Variants in KIF6 observed in about 807,000 individuals in gnomAD.
KIF6 encodes the protein kinesin family member 6.
In KIF6, 106 loss-of-function variants were observed where a neutral mutation model predicts 112.7. That is an observed-to-expected ratio of 0.94 (90% CI 0.80 to 1.11). The LOEUF (loss-of-function observed/expected upper bound fraction) is 1.11, where lower values mean the gene tolerates loss of function less well. KIF6 is among the 50% of genes least tolerant of loss of function. KIF6 has a pLI of 0.00. For synonymous variants in KIF6, 339 were observed against 339.9 expected, an observed-to-expected ratio of 1.00 and a Z score of 0.03; for missense variants, 929 against 964.0, an observed-to-expected ratio of 0.96 and a Z score of 0.48.
chr6:39,583,503 A>G lies in KIF6; in HGVS notation c.1077+1395T>C, dbSNP rs376480044. On this transcript the variant is annotated intron_variant, in intron 9 of 22. Coordinates refer to ENST00000287152, the MANE Select transcript of KIF6 (RefSeq NM_145027.6). ...TTCTGAGGCAAGAAGAACATAACAG[A>G]CAGCCCCATTATTCCTTTGTCCTCC... 8.7e-5 allele frequency: 41 copies of G among 471,346 alleles called. No homozygotes were observed. In the East Asian group the frequency reaches 2.6e-3, roughly 30 times the overall value. The allele number at this position is 471,346 out of a possible 1,614,324, so 29.2% of individuals were successfully genotyped here. A position where few individuals can be genotyped will look rare whatever the true frequency, so the allele number is the denominator to read the frequency against.
intron 13 of KIF6, among the ~76,000 whole-genome samples, chr6:39,496,604 G>A (rs1047911430): frequency 3.3e-5 from 5 of 152,092 alleles, no homozygotes; most frequent in African/African-American, 9.7e-5. Flanking sequence ...TGAGATGGTC[G>A]TAGGGTAAGG....
chr6:39,574,609 G>T (rs1003414263), intron 10 of KIF6, among the ~76,000 whole-genome samples: 3 of 151,796 alleles, frequency 2.0e-5, no homozygotes, highest in Middle Eastern at 3.4e-3. Context: ...GTATTTTGTG[G>T]CTCTAAAAAT....
Position 39,709,780 on chromosome 6 carries a change from T to C in KIF6, c.251+4912A>G, listed in dbSNP as rs555110980. 2.6e-5 allele frequency among the ~76,000 whole-genome samples: 4 copies of C among 152,310 alleles called. No homozygotes were observed. The South Asian group carries it at 8.3e-4, about 32-fold the overall frequency. On this transcript the variant is annotated intron_variant, in intron 3 of 22. Transcript: ENST00000287152. ...TAGTTTAAAGTGGTCAGATTTTATGTTGGGAATGTGTTCTTGAAGGCTAAT... is the reference window on the plus strand; with the variant it reads ...TAGTTTAAAGTGGTCAGATTTTATGCTGGGAATGTGTTCTTGAAGGCTAAT...
At chr6:39,351,085 G>C (rs966793326) in intron 19 of KIF6, among the ~76,000 whole-genome samples, 1 of 152,148 alleles carries the variant, frequency 6.6e-6, no homozygotes, top group Non-Finnish European at 1.5e-5. Context: ...GGCTTGGGGT[G>C]GGGGTGGGGA....
Position 39,540,009 on chromosome 6 carries a change from T to G in KIF6, c.1639A>C (p.Lys547Gln). 1.3e-6 allele frequency: 2 copies of G among 1,599,036 alleles called. No homozygotes were observed. The highest frequency in any genetic ancestry group is 1.7e-6 in the Non-Finnish European group (2 of 1,174,306). ...GGAAATTTAGTCAACTGACCTATTT[T>G]CTTGTGGAGCAAACTGGATCTTTTC... The part of the protein sequence containing the change: ...LGKRSSLLHK[K>Q]IGMREEMSLG... The change falls in exon 13 of 23, where the codon AAA becomes CAA. Residue 547 changes from lysine (K) to glutamine (Q), a missense_variant. Transcript: ENST00000287152.
At chr6:39,367,458 T>C (rs1375450115) in intron 16 of KIF6, among the ~76,000 whole-genome samples, 1 of 152,050 alleles carries the variant, frequency 6.6e-6, no homozygotes, top group East Asian at 1.9e-4. Context: ...TGTTCATCTG[T>C]GGGGAGGCAG....
At chr6:39,604,559 C>T (rs916089393) in intron 6 of KIF6, among the ~76,000 whole-genome samples, 47 of 152,164 alleles carry the variant, frequency 3.1e-4, no homozygotes, top group Middle Eastern at 3.4e-3. Context: ...AGATACCTGG[C>T]TTTTAGGAAA....
intron 22 of KIF6, among the ~76,000 whole-genome samples, chr6:39,338,392 T>C (rs1323411169): frequency 6.6e-5 from 10 of 152,254 alleles, no homozygotes; most frequent in Admixed American, 6.5e-4. Context: ...TTCACGGCTG[T>C]GAGCCCTTGG....
intron 2 of KIF6, 112 bp from the exon 3 acceptor site, chr6:39,714,878 G>T: frequency 1.4e-6 from 1 of 712,440 alleles, no homozygotes. Flanking sequence ...TACATCACTG[G>T]GCTTACCTAA....
At chr6:39,657,060 G>A (rs1785832666) in intron 3 of KIF6, among the ~76,000 whole-genome samples, 2 of 151,766 alleles carry the variant, frequency 1.3e-5, no homozygotes, top group African/African-American at 4.8e-5. Flanking sequence ...GAGAAACCCC[G>A]TCTCTACTAA....
At chr6:39,574,891 A>G (rs193035506) in intron 10 of KIF6, among the ~76,000 whole-genome samples, 2 of 152,250 alleles carry the variant, frequency 1.3e-5, no homozygotes, top group East Asian at 3.9e-4. Flanking sequence ...CTAGCTCACC[A>G]ATCTGCCCCT....
chr6:39,530,185 T>G (rs1316614198), intron 13 of KIF6, among the ~76,000 whole-genome samples: 2 of 152,168 alleles, frequency 1.3e-5, no homozygotes, highest in Non-Finnish European at 2.9e-5. Flanking sequence ...CTCAACAAAT[T>G]CTCATTGAGG....
chr6:39,488,003 A>ATCTG (rs10670609), intron 13 of KIF6, among the ~76,000 whole-genome samples: 61 of 152,102 alleles, frequency 4.0e-4, no homozygotes, highest in African/African-American at 1.4e-3. Flanking sequence ...CTATCTATCT[A>ATCTG]TCTATCTATC....
chr6:39,682,600 G>A (rs1279676577), intron 3 of KIF6, among the ~76,000 whole-genome samples: 1 of 151,984 alleles, frequency 6.6e-6, no homozygotes, highest in Non-Finnish European at 1.5e-5. Flanking sequence ...TTTTTTTTGA[G>A]ATGGAGTCTT....
chr6:39,720,473 A>G (rs1790144948), intron 2 of KIF6, among the ~76,000 whole-genome samples: 1 of 152,118 alleles, frequency 6.6e-6, no homozygotes, highest in African/African-American at 2.4e-5. Flanking sequence ...GCTAGTAAAG[A>G]AAGGCTGGAA....
intron 3 of KIF6, among the ~76,000 whole-genome samples, chr6:39,645,042 G>T (rs1288953618): frequency 6.6e-6 from 1 of 152,144 alleles, no homozygotes; most frequent in East Asian, 1.9e-4. Flanking sequence ...AATCAACAAT[G>T]CAGGCTGCTG....
intron 3 of KIF6, among the ~76,000 whole-genome samples, chr6:39,714,266 A>G (rs1032593757): frequency 1.3e-5 from 2 of 152,162 alleles, no homozygotes; most frequent in Admixed American, 6.5e-5. Context: ...ATCATTAGGC[A>G]GCCTCCCAGG....
chr6:39,460,536 T>TAAAAAAAAAAAAAAAAAAAAAAAG (rs1773406261), intron 13 of KIF6, among the ~76,000 whole-genome samples: 14 of 57,072 alleles, frequency 2.5e-4, no homozygotes, highest in Non-Finnish European at 3.2e-4. Context: ...AAAAAAAAAG[T>TAAAAAAAAAAAAAAAAAAAAAAAG]AAAAAAAAAA....
At chr6:39,534,506 T>G (rs1778286302) in intron 13 of KIF6, among the ~76,000 whole-genome samples, 1 of 151,966 alleles carries the variant, frequency 6.6e-6, no homozygotes. Flanking sequence ...AAGGGAAGTT[T>G]AGAGAAAAAA....
Sources: allele counts gnomAD v4.1 joint callset (sites outside exome capture counted in the v4.1 genomes callset), GRCh38; gene constraint gnomAD v4.1.1; transcripts MANE v1.5; gene names NCBI Gene and HGNC (gene_info 2026-07-23, HGNC 2026-07-21).